Variants in AKR1D1 observed in about 807,000 individuals in gnomAD.
AKR1D1 encodes the protein aldo-keto reductase family 1 member D1, also known as delta(4)-3-ketosteroid 5-beta-reductase.
Under a neutral mutation model 42.6 loss-of-function variants are expected in AKR1D1, and 32 were observed. The observed-to-expected ratio is 0.75, with a 90% confidence interval of 0.57 to 1.01. The LOEUF (loss-of-function observed/expected upper bound fraction) is 1.01. Ranked by LOEUF, AKR1D1 falls within the 50% of genes least tolerant of loss-of-function variation. The probability of loss-of-function intolerance (pLI) is 0.00; values close to 1 mark genes in which losing one functional copy is unlikely to be tolerated. For synonymous variants in AKR1D1, 123 were observed against 135.5 expected (o/e 0.91, Z 0.64); for missense variants, 364 against 402.2 (o/e 0.91, Z 0.81).
chr7:138,113,781 C>T lies in AKR1D1; in HGVS notation c.938+9C>T, dbSNP rs199670016. The T allele has an allele frequency of 1.3e-5, 21 of 1,612,474 alleles. No homozygotes were observed. Among genetic ancestry groups the T allele is most frequent in the African/African-American group, 9.3e-5 (7 of 74,974 alleles). On this transcript the variant is annotated intron_variant, in intron 8 of 8. Coordinates refer to ENST00000242375, the MANE Select transcript of AKR1D1 (RefSeq NM_005989.4). ...TTTGTAGAATTGCTCATGTAAGTTC[C>T]GGGGATCATTAATGGGTATTGACCA...
At chr7:138,078,718 A>T (rs1031440405) in intron 1 of AKR1D1, among the ~76,000 whole-genome samples, 60 of 152,354 alleles carry the variant, frequency 3.9e-4, no homozygotes, top group East Asian at 3.9e-4. Context: ...AAGTCTAATT[A>T]TGGGGTACAA....
At chr7:138,099,282 G>A (rs563794912) in intron 4 of AKR1D1, among the ~76,000 whole-genome samples, 7 of 152,290 alleles carry the variant, frequency 4.6e-5, no homozygotes, top group African/African-American at 1.7e-4. Flanking sequence ...AGGATAGCCA[G>A]TATCCCCAGG....
In AKR1D1 at chr7:138,082,365, CT is replaced by C. The variant is rs201567718; in HGVS notation, c.93+5764del. 8.8e-4 allele frequency among the ~76,000 whole-genome samples: 131 copies of C among 148,346 alleles called. 1 individual carries two copies. The highest frequency in any genetic ancestry group is 2.9e-3 in the African/African-American group (117 of 40,508). ...TTTCTTTGTTTTTAAATTTAATTTTCTTTTTTTTTTATTTTAATAGAGATGG... is the reference window on the plus strand; with the variant it reads ...TTTCTTTGTTTTTAAATTTAATTTTCTTTTTTTTTATTTTAATAGAGATGG... On this transcript the variant is annotated intron_variant, in intron 1 of 8. Coordinates refer to ENST00000242375, the MANE Select transcript of AKR1D1 (RefSeq NM_005989.4).
At chr7:138,083,887 C>G (rs1052984025) in intron 1 of AKR1D1, among the ~76,000 whole-genome samples, 5 of 151,990 alleles carry the variant, frequency 3.3e-5, no homozygotes, top group African/African-American at 1.2e-4. Context: ...TTCTGGGGTA[C>G]CTGAATTCTT....
chr7:138,116,480 A>G, intron 8 of AKR1D1, 140 bp from the exon 9 acceptor site: 2 of 970,088 alleles, frequency 2.1e-6, no homozygotes, highest in Non-Finnish European at 3.3e-6. Context: ...AAAACAGAAG[A>G]GGAAAGTAGG....
intron 1 of AKR1D1, among the ~76,000 whole-genome samples, chr7:138,078,308 T>C (rs1802984398): frequency 6.6e-6 from 1 of 152,168 alleles, no homozygotes; most frequent in African/African-American, 2.4e-5. Flanking sequence ...ATCTAAAGTT[T>C]AGAAGCAAAG....
In AKR1D1 at chr7:138,097,490, A is replaced by G. The variant is rs78650734; in HGVS notation, c.379-376A>G. Among the ~76,000 whole-genome samples, 90 of 152,364 alleles carry G rather than the reference A, an allele frequency of 5.9e-4. 1 individual carries two copies. In the East Asian group the frequency reaches 0.016, roughly 27 times the overall value. On this transcript the variant is annotated intron_variant, in intron 3 of 8. Transcript: ENST00000242375. The stretch of plus-strand genomic sequence containing the variant: ...AGAATTACACAGTCACAAGGCAAAG[A>G]AACAAATATTGATACTTGTAACTTT...
chr7:138,115,459 G>C (rs1192118235), intron 8 of AKR1D1, among the ~76,000 whole-genome samples: 1 of 151,998 alleles, frequency 6.6e-6, no homozygotes, highest in Non-Finnish European at 1.5e-5. Context: ...AACAAAAACA[G>C]TATAATCAAT....
At chr7:138,090,246 T>C (rs969967397) in intron 2 of AKR1D1, among the ~76,000 whole-genome samples, 2 of 152,146 alleles carry the variant, frequency 1.3e-5, no homozygotes, top group African/African-American at 2.4e-5. Flanking sequence ...TCATGTTAAA[T>C]TTTCTCTGTG....
At chr7:138,086,184 C>T (rs139304195) in intron 1 of AKR1D1, among the ~76,000 whole-genome samples, 155 of 152,108 alleles carry the variant, frequency 1.0e-3, no homozygotes, top group African/African-American at 3.4e-3. Context: ...GCCTGGGTGA[C>T]GGAGACCCTG....
At chr7:138,084,611 C>G (rs1176854340) in intron 1 of AKR1D1, among the ~76,000 whole-genome samples, 1 of 152,054 alleles carries the variant, frequency 6.6e-6, no homozygotes. Flanking sequence ...GTGAGATTGT[C>G]TTTAATTGTG....
chr7:138,080,025 G>A (rs553607133), intron 1 of AKR1D1, among the ~76,000 whole-genome samples: 2 of 152,292 alleles, frequency 1.3e-5, no homozygotes, highest in Admixed American at 6.5e-5. Flanking sequence ...GTTCTGCTGA[G>A]CCCCTCCCCA....
chr7:138,116,569 G>A, intron 8 of AKR1D1, 51 bp from the exon 9 acceptor site: 1 of 1,605,518 alleles, frequency 6.2e-7, no homozygotes, highest in Non-Finnish European at 8.5e-7. Context: ...GAAACATACA[G>A]CTGTGCAATT....
intron 4 of AKR1D1, 114 bp downstream of exon 4, chr7:138,098,057 C>T (rs1794219419): frequency 2.4e-6 from 2 of 846,062 alleles, no homozygotes; most frequent in Non-Finnish European, 4.0e-6. Flanking sequence ...TGAAAAGTAA[C>T]AGTCAGAACA....
At chr7:138,103,685 A>G (rs1794361586) in intron 4 of AKR1D1, among the ~76,000 whole-genome samples, 1 of 152,180 alleles carries the variant, frequency 6.6e-6, no homozygotes, top group Non-Finnish European at 1.5e-5. Context: ...TACTATATTA[A>G]TATCATATAA....
intron 8 of AKR1D1, among the ~76,000 whole-genome samples, chr7:138,115,839 C>T (rs966227241): frequency 3.3e-5 from 5 of 152,176 alleles, no homozygotes; most frequent in African/African-American, 9.7e-5. Context: ...CCATCATCAT[C>T]GTCATAATCA....
At chr7:138,107,201 G>A (rs1180057330) in intron 6 of AKR1D1, 1 of 727,562 alleles carries the variant, frequency 1.4e-6, no homozygotes, top group Admixed American at 1.8e-5. Context: ...CTCTGAAGGA[G>A]GCAGCTCCAT....
intron 7 of AKR1D1, among the ~76,000 whole-genome samples, chr7:138,112,138 C>T (rs1002611471): frequency 1.3e-5 from 2 of 152,122 alleles, no homozygotes; most frequent in Non-Finnish European, 2.9e-5. Flanking sequence ...GCAAGGTTTG[C>T]AACCTCACTT....
At chr7:138,084,131 C>T (rs1424896259) in intron 1 of AKR1D1, among the ~76,000 whole-genome samples, 1 of 151,946 alleles carries the variant, frequency 6.6e-6, no homozygotes, top group Non-Finnish European at 1.5e-5. Context: ...TTTTACTTTC[C>T]TTTTTCATCT....
Sources: allele counts gnomAD v4.1 joint callset (sites outside exome capture counted in the v4.1 genomes callset), GRCh38; gene constraint gnomAD v4.1.1; transcripts MANE v1.5; gene names NCBI Gene and HGNC (gene_info 2026-07-23, HGNC 2026-07-21).